Variants in NAV3 observed in about 807,000 individuals in gnomAD.
NAV3 encodes neuron navigator 3, also known as pore membrane and/or filament interacting like protein 1.
Under a neutral mutation model 244.7 loss-of-function variants are expected in NAV3, and 87 were observed. The ratio of observed to expected loss-of-function variants is 0.36; its 90% CI spans 0.30 to 0.42. The LOEUF (loss-of-function observed/expected upper bound fraction) is 0.42, where lower values mean the gene tolerates loss of function less well. NAV3 is among the 20% of genes least tolerant of loss of function. NAV3 has a pLI of 1.00. For synonymous variants in NAV3, 1,126 were observed against 1,042.2 expected, an observed-to-expected ratio of 1.08 and a Z score of -1.55; for missense variants, 2,663 against 2,893.3, an observed-to-expected ratio of 0.92 and a Z score of 1.83.
intron 12 of NAV3, among the ~76,000 whole-genome samples, chr12:78,112,113 C>T (rs1230796913): frequency 1.3e-5 from 2 of 152,172 alleles, no homozygotes; most frequent in African/African-American, 2.4e-5. Flanking sequence ...CCTCCACTGA[C>T]ACCTCTGACA....
At chr12:77,860,528 C>G (rs1408047142) in intron 1 of NAV3, among the ~76,000 whole-genome samples, 1 of 151,438 alleles carries the variant, frequency 6.6e-6, no homozygotes, top group African/African-American at 2.4e-5. Context: ...ACTGTTACAC[C>G]CTTTTCATAT....
chr12:77,836,986 A>G (rs1874758945), intron 1 of NAV3, among the ~76,000 whole-genome samples: 1 of 152,204 alleles, frequency 6.6e-6, no homozygotes, highest in African/African-American at 2.4e-5. Flanking sequence ...GAAAACAGAA[A>G]ATACACAAAA....
chr12:77,779,241 A>G (rs1565810747), intron 2 of NAV3, among the ~76,000 whole-genome samples: 1 of 152,228 alleles, frequency 6.6e-6, no homozygotes, highest in African/African-American at 2.4e-5. Context: ...CAAAGGATAT[A>G]AATCAAAATT....
At chr12:77,638,269 C>CT (rs71440486) in intron 2 of NAV3, among the ~76,000 whole-genome samples, 1 of 152,062 alleles carries the variant, frequency 6.6e-6, no homozygotes, top group African/African-American at 2.4e-5. Flanking sequence ...ATGGTTACCC[C>CT]TGCTTTGAAA....
intron 2 of NAV3, among the ~76,000 whole-genome samples, chr12:77,612,188 A>G (rs1008612590): frequency 6.6e-6 from 1 of 152,100 alleles, no homozygotes; most frequent in Non-Finnish European, 1.5e-5. Flanking sequence ...TTATAATATT[A>G]TTTTAAATAC....
At chr12:77,946,022 G>T (rs1890305777) in intron 3 of NAV3, among the ~76,000 whole-genome samples, 1 of 150,078 alleles carries the variant, frequency 6.7e-6, no homozygotes. Context: ...GCCTCCCAAA[G>T]TACTGGGATT....
chr12:77,898,177 A>G (rs114998463), intron 1 of NAV3, among the ~76,000 whole-genome samples: 3,421 of 152,250 alleles, frequency 0.022, 113 homozygotes, highest in African/African-American at 0.077. Flanking sequence ...GGTATTTTTT[A>G]TATTATATCA....
chr12:77,820,305 C>T lies in NAV3; in HGVS notation c.73-120014C>T, dbSNP rs1049137861. Among the ~76,000 whole-genome samples the T allele has an allele frequency of 2.0e-5, 3 of 152,182 alleles. No homozygotes were observed. In the South Asian group the frequency reaches 6.2e-4, roughly 32 times the overall value. On this transcript the variant is annotated intron_variant, in intron 2 of 8. Coordinates refer to the NAV3 transcript ENST00000550042. ...CACAGACTGGTAATTTCTATAAGAA[C>T]AGGAATTTATATCCCATAGTTCTAG...
chr12:77,825,060 A>G (rs2136043969), intron 2 of NAV3, among the ~76,000 whole-genome samples: 1 of 152,202 alleles, frequency 6.6e-6, no homozygotes, highest in East Asian at 1.9e-4. Flanking sequence ...GGAAAATACA[A>G]TGGTGTGGCA....
chr12:78,018,607 A>C (rs1876627160), intron 8 of NAV3, among the ~76,000 whole-genome samples: 1 of 152,130 alleles, frequency 6.6e-6, no homozygotes, highest in Non-Finnish European at 1.5e-5. Context: ...ATTTCAGTGA[A>C]ATGCTTAATG....
chr12:77,789,677 G>T (rs999661556), intron 2 of NAV3, among the ~76,000 whole-genome samples: 1 of 151,934 alleles, frequency 6.6e-6, no homozygotes, highest in Admixed American at 6.6e-5. Flanking sequence ...GGGTGTGGTG[G>T]TGGGTGCCTG....
At chr12:77,952,547 T>A (rs925253450) in intron 3 of NAV3, among the ~76,000 whole-genome samples, 1 of 152,180 alleles carries the variant, frequency 6.6e-6, no homozygotes, top group African/African-American at 2.4e-5. Flanking sequence ...GTTGTGTCAG[T>A]CCTCCAATTT....
intron 8 of NAV3, among the ~76,000 whole-genome samples, chr12:78,016,772 A>G (rs1014241830): frequency 6.6e-5 from 10 of 152,152 alleles, no homozygotes; most frequent in African/African-American, 2.4e-4. Flanking sequence ...TCTTGAATAC[A>G]AATCAGTATG....
At chr12:78,064,720 G>A (rs1884802711) in intron 12 of NAV3, among the ~76,000 whole-genome samples, 1 of 151,992 alleles carries the variant, frequency 6.6e-6, no homozygotes, top group South Asian at 2.1e-4. Flanking sequence ...CACTATATAT[G>A]TGCTGGATTA....
intron 2 of NAV3, among the ~76,000 whole-genome samples, chr12:77,748,733 G>A (rs144119913): frequency 1.3e-3 from 193 of 152,232 alleles, no homozygotes; most frequent in African/African-American, 4.5e-3. Context: ...TAGGGCTTGG[G>A]GGAGATGGGG....
intron 1 of NAV3, among the ~76,000 whole-genome samples, chr12:77,919,626 T>A (rs1353981260): frequency 6.6e-6 from 1 of 152,082 alleles, no homozygotes; most frequent in Middle Eastern, 3.2e-3. Flanking sequence ...ACCGCAAATA[T>A]GTTACCTAGC....
chr12:78,178,377 T>C (rs897240250), intron 28 of NAV3, among the ~76,000 whole-genome samples: 2 of 151,920 alleles, frequency 1.3e-5, no homozygotes, highest in African/African-American at 4.8e-5. Flanking sequence ...GCCAGGCTGG[T>C]CTCGAACTCC....
chr12:77,894,720 G>A (rs1469079283), intron 1 of NAV3, among the ~76,000 whole-genome samples: 1 of 152,216 alleles, frequency 6.6e-6, no homozygotes, highest in Non-Finnish European at 1.5e-5. Context: ...GCAACAGAAT[G>A]TGGTAGGGAG....
intron 2 of NAV3, among the ~76,000 whole-genome samples, chr12:77,622,220 C>T (rs556959797): frequency 4.2e-4 from 64 of 152,142 alleles, no homozygotes; most frequent in Middle Eastern, 3.4e-3. Context: ...AGTGCAGTGG[C>T]GCAATCTCGG....
Sources: allele counts gnomAD v4.1 joint callset (sites outside exome capture counted in the v4.1 genomes callset), GRCh38; gene constraint gnomAD v4.1.1; transcripts MANE v1.5; gene names NCBI Gene and HGNC (gene_info 2026-07-23, HGNC 2026-07-21).